Variants in FOCAD observed in about 807,000 individuals in gnomAD.
FOCAD encodes the protein KIAA1797.
Under a neutral mutation model 225.6 loss-of-function variants are expected in FOCAD, and 198 were observed. The ratio of observed to expected loss-of-function variants is 0.88; its 90% CI spans 0.78 to 0.99. The LOEUF is 0.99. Among genes scored for constraint, FOCAD ranks in the 50% least tolerant of loss-of-function variants. The pLI, the probability that FOCAD is intolerant of heterozygous loss-of-function variation, is 0.00. For synonymous variants in FOCAD, 897 were observed against 755.0 expected, an observed-to-expected ratio of 1.19 and a Z score of -3.08; for missense variants, 2,713 against 2,123.6, an observed-to-expected ratio of 1.28 and a Z score of -5.46.
intron 36 of FOCAD, among the ~76,000 whole-genome samples, chr9:20,977,129 A>G (rs568898844): frequency 6.6e-6 from 1 of 152,212 alleles, no homozygotes; most frequent in Admixed American, 6.5e-5. Flanking sequence ...CCCTTTCTGC[A>G]TCTTCAAGGC....
rs369303617 is a variant in FOCAD at position 20,923,729 on chromosome 9, T to C, written c.2922T>C (p.His974=). ...LSSLAVVVSR[H]EASLSSDSDG... ...GCCTTGCTGTCGTCGTATCTAGACA[T>C]GAAGCCAGCCTCTCCTCAGACTCTG... The change falls in exon 25 of 44, where the codon CAT becomes CAC. Residue 974 remains histidine, a synonymous_variant. Coordinates refer to ENST00000338382, the MANE Select transcript of FOCAD (RefSeq NM_001375567.1). The C allele has an allele frequency of 1.2e-6, 2 of 1,614,008 alleles. No homozygotes were observed. Among genetic ancestry groups the C allele is most frequent in the Admixed American group, 1.7e-5 (1 of 60,012 alleles).
At chr9:20,898,892 A>G (rs1372092985) in intron 21 of FOCAD, among the ~76,000 whole-genome samples, 2 of 151,952 alleles carry the variant, frequency 1.3e-5, no homozygotes, top group Admixed American at 6.6e-5. Flanking sequence ...CCATAACCCT[A>G]TAATTAGGTC....
intron 1 of FOCAD, among the ~76,000 whole-genome samples, chr9:20,701,315 A>G (rs1357638727): frequency 2.0e-5 from 3 of 152,184 alleles, no homozygotes; most frequent in African/African-American, 7.2e-5. Context: ...TGTTTTTACA[A>G]GTGAACTCAT....
chr9:20,883,601 A>G (rs1830858927), intron 20 of FOCAD, among the ~76,000 whole-genome samples: 1 of 152,222 alleles, frequency 6.6e-6, no homozygotes, highest in South Asian at 2.1e-4. Context: ...AATGATTACC[A>G]TGATATCTCC....
rs377072284 is a variant in FOCAD, at chr9:20,951,013, G to C, written c.3966G>C (p.Gly1322=). The C allele has an allele frequency of 3.7e-6, 6 of 1,613,052 alleles. No homozygotes were observed. The highest frequency in any genetic ancestry group is 4.2e-6 in the Non-Finnish European group (5 of 1,179,336). ...ATTTGTAGGTCATTAGTGTCTCTGG[G>C]GTGATTGGTCTCCAGTCAAATGCAG... is the stretch of plus-strand genomic sequence containing the variant. The part of the protein sequence containing the change: ...RTLTQVISVS[G]VIGLQSNAVW... Residue 1322 remains glycine (G), a synonymous_variant, in exon 34 of 44, where the codon GGG becomes GGC. Coordinates refer to ENST00000338382, the MANE Select transcript of FOCAD (RefSeq NM_001375567.1).
intron 1 of FOCAD, among the ~76,000 whole-genome samples, chr9:20,688,566 C>CTATCAATT (rs933914952): frequency 1.1e-4 from 16 of 152,186 alleles, no homozygotes; most frequent in African/African-American, 3.9e-4. Flanking sequence ...GATTAGGATG[C>CTATCAATT]TATCAATTTA....
At chr9:20,946,613 G>A (rs955507924) in intron 29 of FOCAD, 88 bp from the exon 30 acceptor site, 2 of 1,406,534 alleles carry the variant, frequency 1.4e-6, no homozygotes, top group African/African-American at 2.9e-5. Context: ...ACTCTGGGGG[G>A]GAGTTTGACA....
At chr9:20,986,713 C>G (rs903831560) in intron 40 of FOCAD, among the ~76,000 whole-genome samples, 2 of 152,276 alleles carry the variant, frequency 1.3e-5, no homozygotes, top group Non-Finnish European at 2.9e-5. Flanking sequence ...TAGACCCTCA[C>G]AGTTACAAAC....
At chr9:20,798,772 G>A (rs7855992) in intron 11 of FOCAD, among the ~76,000 whole-genome samples, 130,857 of 151,694 alleles carry the variant, frequency 0.86, 56,480 homozygotes, top group Admixed American at 0.91. Flanking sequence ...TGGTCTATCA[G>A]TTTTGTTGAT....
intron 27 of FOCAD, among the ~76,000 whole-genome samples, chr9:20,930,062 AC>A: frequency 6.6e-6 from 1 of 152,186 alleles, no homozygotes; most frequent in Non-Finnish European, 1.5e-5. Flanking sequence ...AACTACATGT[AC>A]CCGGCTTTAA....
intron 21 of FOCAD, among the ~76,000 whole-genome samples, chr9:20,902,716 A>G (rs1832657988): frequency 6.6e-6 from 1 of 151,916 alleles, no homozygotes; most frequent in Non-Finnish European, 1.5e-5. Context: ...GTTGGGACAT[A>G]TATATTAAAT....
At chr9:20,797,054 A>C (rs1486157147) in intron 11 of FOCAD, among the ~76,000 whole-genome samples, 1 of 152,162 alleles carries the variant, frequency 6.6e-6, no homozygotes, top group Non-Finnish European at 1.5e-5. Context: ...TTTTCCCACC[A>C]TCATTTATTA....
chr9:20,980,790 T>C (rs1463985115), intron 37 of FOCAD, among the ~76,000 whole-genome samples: 10 of 152,214 alleles, frequency 6.6e-5, no homozygotes, highest in Admixed American at 6.5e-4. Context: ...AGCATGTTTA[T>C]GTTCCTAAGA....
At chr9:20,908,433 TC>T (rs1403775886) in intron 22 of FOCAD, among the ~76,000 whole-genome samples, 3 of 152,130 alleles carry the variant, frequency 2.0e-5, no homozygotes, top group Non-Finnish European at 4.4e-5. Context: ...TAATGTATCT[TC>T]AGAGATTCTG....
chr9:20,810,892 C>T (rs1156287393), intron 11 of FOCAD, among the ~76,000 whole-genome samples: 6 of 152,042 alleles, frequency 3.9e-5, no homozygotes, highest in Admixed American at 1.3e-4. Flanking sequence ...ACTTGAACCT[C>T]CTGTATTGCT....
At chr9:20,874,640 T>C in intron 18 of FOCAD, 41 bp from the exon 19 acceptor site, 1 of 1,586,398 alleles carries the variant, frequency 6.3e-7, no homozygotes. Flanking sequence ...CATAATGTTT[T>C]ATTATTATCC....
Position 20,981,459 on chromosome 9 carries a change from C to A in FOCAD, c.4411C>A (p.Pro1471Thr). 6.2e-7 allele frequency: 1 copy of A among 1,614,086 alleles called. No individual in the cohort carries two copies. Residue 1471 changes from proline (P) to threonine (T), a missense_variant, in exon 38 of 44, where the codon CCT (proline) becomes ACT (threonine). Coordinates refer to ENST00000338382, the MANE Select transcript of FOCAD (RefSeq NM_001375567.1). ...CAAGAGATATCTCCTGATATCTGCA[C>A]CTCTGTGGATAAAACACATCTCTGA... Reference protein sequence around the residue: ...NTKRYLLISAPLWIKHISDEQ... With the variant: ...NTKRYLLISATLWIKHISDEQ...
intron 21 of FOCAD, among the ~76,000 whole-genome samples, chr9:20,894,877 A>G (rs1472429688): frequency 1.3e-5 from 2 of 151,952 alleles, no homozygotes; most frequent in African/African-American, 2.4e-5. Flanking sequence ...TGCCTTTGAT[A>G]TTGTTTCTGA....
At chr9:20,942,404 A>C (rs1489988553) in intron 28 of FOCAD, among the ~76,000 whole-genome samples, 1 of 152,184 alleles carries the variant, frequency 6.6e-6, no homozygotes, top group Non-Finnish European at 1.5e-5. Context: ...CAGAAAGTTA[A>C]ACCCTATTGG....
Sources: gnomAD v4.1 joint callset for allele counts (sites outside exome capture counted in the v4.1 genomes callset) on GRCh38, gnomAD v4.1.1 for gene constraint, MANE v1.5 for transcripts, NCBI Gene and HGNC (gene_info 2026-07-23, HGNC 2026-07-21) for gene names.